CACNA2D1: variants seen among roughly 807,000 people sequenced by gnomAD.
The protein encoded by CACNA2D1 is voltage-dependent calcium channel subunit alpha-2/delta-1.
In CACNA2D1, 53 loss-of-function variants were observed where a neutral mutation model predicts 171.5. The observed-to-expected ratio is 0.31, with a 90% CI of 0.25 to 0.39. CACNA2D1 has a LOEUF of 0.39. Among genes scored for constraint, CACNA2D1 ranks in the 10% least tolerant of loss-of-function variants. The pLI is 1.00. For synonymous variants in CACNA2D1, 442 were observed against 443.1 expected (o/e 1.00, Z 0.03); for missense variants, 903 against 1,299.8 (o/e 0.69, Z 4.69).
chr7:82,164,176 C>G (rs1178777744), intron 4 of CACNA2D1, among the ~76,000 whole-genome samples: 1 of 151,800 alleles, frequency 6.6e-6, no homozygotes, highest in Non-Finnish European at 1.5e-5. Flanking sequence ...GTCAATAATG[C>G]TTACAAGCAA....
intron 3 of CACNA2D1, among the ~76,000 whole-genome samples, chr7:82,270,203 A>G (rs1008859476): frequency 2.0e-5 from 3 of 152,012 alleles, no homozygotes; most frequent in African/African-American, 7.2e-5. Context: ...CTTTTTTAGT[A>G]TTTATCCAAA....
At chr7:82,049,622 A>G (rs918429399) in intron 10 of CACNA2D1, among the ~76,000 whole-genome samples, 2 of 152,176 alleles carry the variant, frequency 1.3e-5, no homozygotes, top group African/African-American at 2.4e-5. Flanking sequence ...CTGCACAGGA[A>G]TCACCCGGGG....
intron 3 of CACNA2D1, among the ~76,000 whole-genome samples, chr7:82,205,419 A>C (rs1229679563): frequency 6.6e-6 from 1 of 151,614 alleles, no homozygotes. Flanking sequence ...ACTGAATCTT[A>C]CTCCCTTCCA....
At chr7:82,239,431 A>C (rs944928222) in intron 3 of CACNA2D1, among the ~76,000 whole-genome samples, 1 of 152,104 alleles carries the variant, frequency 6.6e-6, no homozygotes, top group Non-Finnish European at 1.5e-5. Flanking sequence ...CCCTGAAAAA[A>C]TCCCACCGCT....
chr7:82,353,840 A>G (rs1369755639), intron 1 of CACNA2D1, among the ~76,000 whole-genome samples: 1 of 152,080 alleles, frequency 6.6e-6, no homozygotes, highest in Non-Finnish European at 1.5e-5. Context: ...GCAAGTAGAG[A>G]AGGAAATATC....
At chr7:81,995,908 T>C (rs764790241) in intron 19 of CACNA2D1, among the ~76,000 whole-genome samples, 2 of 152,150 alleles carry the variant, frequency 1.3e-5, no homozygotes, top group Non-Finnish European at 1.5e-5. Flanking sequence ...CAACCAGTGA[T>C]TTACATGTGG....
chr7:82,185,701 A>C (rs1286359686), intron 3 of CACNA2D1, among the ~76,000 whole-genome samples: 2 of 152,240 alleles, frequency 1.3e-5, no homozygotes, highest in African/African-American at 2.4e-5. Flanking sequence ...GACAGTGCTT[A>C]CTTTGAACAT....
chr7:82,074,048 G>A (rs1044973717), intron 7 of CACNA2D1, among the ~76,000 whole-genome samples: 3 of 152,096 alleles, frequency 2.0e-5, no homozygotes, highest in Admixed American at 2.0e-4. Context: ...TATAATACAG[G>A]GGTAAACAAT....
At chr7:82,183,752 G>A (rs79166319) in intron 3 of CACNA2D1, among the ~76,000 whole-genome samples, 1,566 of 151,750 alleles carry the variant, frequency 0.01, 28 homozygotes, top group African/African-American at 0.036. Context: ...TTATTTTATG[G>A]AAGGTCTAAT....
chr7:82,192,515 TAG>T (rs145774215), intron 3 of CACNA2D1, among the ~76,000 whole-genome samples: 39,499 of 141,794 alleles, frequency 0.28, 6,065 homozygotes, highest in African/African-American at 0.4. Flanking sequence ...TGTGTGAATA[TAG>T]AGACAGGTAA....
chr7:82,230,445 T>C (rs903098351), intron 3 of CACNA2D1, among the ~76,000 whole-genome samples: 2 of 152,208 alleles, frequency 1.3e-5, no homozygotes, highest in Non-Finnish European at 2.9e-5. Context: ...GCAGTGAACA[T>C]TCTAGTACAT....
chr7:82,084,688 C>T, intron 7 of CACNA2D1, 81 bp downstream of exon 7: 1 of 1,448,460 alleles, frequency 6.9e-7, no homozygotes, highest in South Asian at 1.1e-5. Context: ...ATTTTTCTTA[C>T]AGTATCAGGG....
In CACNA2D1 at chr7:82,349,484, T is replaced by C. The variant is rs534958095; in HGVS notation, c.177+84A>G. On this transcript the variant is annotated intron_variant, in intron 2 of 38. Transcript: ENST00000356860. ...ATGAGAAATCATATCCCATTTGTAA[T>C]ATAGAGACACAGTTTCCTAGAAGAT... is the stretch of plus-strand genomic sequence containing the variant. The C allele has an allele frequency of 4.1e-5, 44 of 1,073,418 alleles. 1 individual carries two copies. In the South Asian group the frequency reaches 4.9e-4, roughly 12 times the overall value. The allele number at this position is 1,073,418 out of a possible 1,614,324, so 66.5% of individuals were successfully genotyped here. A position where few individuals can be genotyped will look rare whatever the true frequency, so the allele number is the denominator to read the frequency against.
At chr7:82,070,254 G>C (rs942597594) in intron 7 of CACNA2D1, among the ~76,000 whole-genome samples, 1 of 152,112 alleles carries the variant, frequency 6.6e-6, no homozygotes, top group African/African-American at 2.4e-5. Flanking sequence ...AAAAATCTAG[G>C]AAAGCAAATA....
At chr7:82,203,638 T>A (rs2129210122) in intron 3 of CACNA2D1, among the ~76,000 whole-genome samples, 1 of 152,332 alleles carries the variant, frequency 6.6e-6, no homozygotes, top group South Asian at 2.1e-4. Context: ...CTATTTGAGC[T>A]GCACGTGCAT....
At chr7:82,246,027 C>T (rs1347431012) in intron 3 of CACNA2D1, among the ~76,000 whole-genome samples, 2 of 151,714 alleles carry the variant, frequency 1.3e-5, no homozygotes, top group Non-Finnish European at 2.9e-5. Flanking sequence ...CTTCATAGAC[C>T]TAAACCTCTG....
intron 3 of CACNA2D1, among the ~76,000 whole-genome samples, chr7:82,171,733 T>C (rs1796039282): frequency 1.3e-5 from 2 of 152,134 alleles, no homozygotes; most frequent in South Asian, 4.1e-4. Flanking sequence ...CTTATGCAGC[T>C]AGAAGATAGT....
intron 3 of CACNA2D1, among the ~76,000 whole-genome samples, chr7:82,201,291 G>GA (rs1421814980): frequency 6.6e-6 from 1 of 152,160 alleles, no homozygotes; most frequent in African/African-American, 2.4e-5. Context: ...GCTCACTAGT[G>GA]ACACTGAAAT....
rs551991947 is a variant in CACNA2D1 at position 82,151,553 on chromosome 7, G to A, written c.355-14877C>T. 3.2e-4 allele frequency among the ~76,000 whole-genome samples: 49 copies of A among 152,114 alleles called. No homozygotes were observed. The South Asian group carries it at 3.5e-3, about 11-fold the overall frequency. On this transcript the variant is annotated intron_variant, in intron 4 of 38. Coordinates refer to ENST00000356860, the MANE Select transcript of CACNA2D1 (RefSeq NM_000722.4). ...CAGAGCAGTATAAATGAAGAAATTT[G>A]GATGGTTTTTAAATAAGAAATTGAG...
Sources: gnomAD v4.1 joint callset for allele counts (sites outside exome capture counted in the v4.1 genomes callset) on GRCh38, gnomAD v4.1.1 for gene constraint, MANE v1.5 for transcripts, NCBI Gene and HGNC (gene_info 2026-07-23, HGNC 2026-07-21) for gene names.